Variants in SMARCC1 observed in about 807,000 individuals in gnomAD.
SMARCC1 encodes the protein SWI/SNF related BAF chromatin remodeling complex subunit C1.
A neutral mutation model predicts 147.4 loss-of-function variants in SMARCC1; 43 were observed. That is an observed-to-expected ratio of 0.29 (90% CI 0.23 to 0.38). The LOEUF (loss-of-function observed/expected upper bound fraction) is 0.38, where lower values mean the gene tolerates loss of function less well. SMARCC1 is among the 10% of genes least tolerant of loss of function. The probability of loss-of-function intolerance (pLI) is 1.00; values close to 1 mark genes in which losing one functional copy is unlikely to be tolerated. For synonymous variants in SMARCC1, 495 were observed against 484.4 expected, an observed-to-expected ratio of 1.02 and a Z score of -0.29; for missense variants, 1,119 against 1,381.1, an observed-to-expected ratio of 0.81 and a Z score of 3.01.
intron 18 of SMARCC1, among the ~76,000 whole-genome samples, chr3:47,673,404 G>GC (rs1182877731): frequency 2.3e-5 from 3 of 132,212 alleles, no homozygotes; most frequent in Non-Finnish European, 3.4e-5. Context: ...AAGGGTGGGG[G>GC]GGGGGCAGGC....
chr3:47,762,490 T>C (rs2034784575), intron 2 of SMARCC1, among the ~76,000 whole-genome samples: 1 of 152,198 alleles, frequency 6.6e-6, no homozygotes, highest in Admixed American at 6.6e-5. Context: ...CTGTGACTCA[T>C]CTAAAACATC....
At chr3:47,749,469 T>G (rs912433436) in intron 2 of SMARCC1, among the ~76,000 whole-genome samples, 6 of 151,696 alleles carry the variant, frequency 4.0e-5, no homozygotes, top group African/African-American at 1.5e-4. Context: ...AAGACCATCC[T>G]GGGCAACATA....
intron 26 of SMARCC1, among the ~76,000 whole-genome samples, chr3:47,591,229 T>TA (rs2032176550): frequency 6.6e-6 from 1 of 152,204 alleles, no homozygotes; most frequent in Non-Finnish European, 1.5e-5. Context: ...AGGAAGTCAG[T>TA]AAGTAAAAGT....
At chr3:47,728,808 G>A (rs1232970402) in intron 6 of SMARCC1, among the ~76,000 whole-genome samples, 1 of 152,150 alleles carries the variant, frequency 6.6e-6, no homozygotes, top group African/African-American at 2.4e-5. Flanking sequence ...CTACTCAGGA[G>A]GCTGAGTCAG....
chr3:47,683,592 C>A (rs1211074881), intron 14 of SMARCC1, among the ~76,000 whole-genome samples: 1 of 152,202 alleles, frequency 6.6e-6, no homozygotes, highest in South Asian at 2.1e-4. Context: ...GTGGCTCACA[C>A]CTGTAATCCC....
At chr3:47,703,942 G>A (rs1300944371) in intron 10 of SMARCC1, among the ~76,000 whole-genome samples, 5 of 151,974 alleles carry the variant, frequency 3.3e-5, no homozygotes, top group Non-Finnish European at 5.9e-5. Flanking sequence ...GACTACAGGC[G>A]CCTGCCACCA....
chr3:47,690,103 C>T (rs2033773341), intron 12 of SMARCC1, among the ~76,000 whole-genome samples: 1 of 152,040 alleles, frequency 6.6e-6, no homozygotes, highest in South Asian at 2.1e-4. Context: ...CATCTACAGT[C>T]CCAGATACTC....
At position 47,749,670 on chromosome 3, in the gene SMARCC1, A is replaced by AACACACAC. The variant is rs1328820771; in HGVS notation, c.316-3685_316-3678dup. ...TGACAAAGTGAGACCCTCTAAATTA[A>AACACACAC]ACACACACACACACACACACAAAGT... On this transcript the variant is annotated intron_variant, in intron 2 of 27. Coordinates refer to ENST00000254480, the MANE Select transcript of SMARCC1 (RefSeq NM_003074.4). Among the ~76,000 whole-genome samples, 21 of 92,494 alleles carry AACACACAC rather than the reference A, an allele frequency of 2.3e-4. No individual in the cohort carries two copies. The South Asian group carries it at 3.1e-3, about 14-fold the overall frequency. 60.7% of individuals were successfully genotyped at this position (92,494 alleles called of 152,430 possible).
At chr3:47,610,398 A>T in intron 25 of SMARCC1, 71 bp from the exon 26 acceptor site, 1 of 1,526,612 alleles carries the variant, frequency 6.6e-7, no homozygotes, top group South Asian at 1.1e-5. Context: ...ACAAAGGACA[A>T]CTACATAATG....
chr3:47,729,230 T>C (rs1208516547), intron 5 of SMARCC1, 136 bp from the exon 6 acceptor site: 1 of 600,428 alleles, frequency 1.7e-6, no homozygotes, highest in Non-Finnish European at 2.8e-6. Flanking sequence ...CTTGCTTCTT[T>C]TTAGTCAAAT....
rs545668409 is a variant in SMARCC1 at position 47,781,161 on chromosome 3, C to T, written c.195+442G>A. Among the ~76,000 whole-genome samples, 4 of 152,334 alleles carry T rather than the reference C, an allele frequency of 2.6e-5. No individual in the cohort carries two copies. The South Asian group carries it at 8.3e-4, about 32-fold the overall frequency. On this transcript the variant is annotated intron_variant, in intron 1 of 27. Coordinates refer to ENST00000254480, the MANE Select transcript of SMARCC1 (RefSeq NM_003074.4). ...ATTGCCTGTTATTAATTAACGAATA[C>T]AATCATCCCAGTCGTTTAGCAATTC...
chr3:47,610,457 G>A, intron 25 of SMARCC1, 130 bp from the exon 26 acceptor site: 1 of 899,516 alleles, frequency 1.1e-6, no homozygotes, highest in Non-Finnish European at 1.8e-6. Flanking sequence ...CTCACTTCCT[G>A]CACCTTCTAC....
At position 47,661,325 on chromosome 3, in the gene SMARCC1, T is replaced by A; in HGVS notation, c.2289A>T (p.Ala763=). The change falls in exon 21 of 28, where the codon GCA becomes GCT. Residue 763 remains alanine (A), a synonymous_variant. Coordinates refer to ENST00000254480, the MANE Select transcript of SMARCC1 (RefSeq NM_003074.4). ...PTYGLESSCI[A]GTGPDEPEKL... ...TCTCTGGCTCATCGGGCCCTGTGCC[T>A]GCAATGCAGCTGCTCTCCAGACCGT... is the stretch of plus-strand genomic sequence containing the variant. 6.2e-7 allele frequency: 1 copy of A among 1,613,412 alleles called. No homozygotes were observed. Among genetic ancestry groups the A allele is most frequent in the Non-Finnish European group, 8.5e-7 (1 of 1,179,816 alleles).
chr3:47,757,640 C>T (rs1339421347), intron 2 of SMARCC1, among the ~76,000 whole-genome samples: 3 of 151,724 alleles, frequency 2.0e-5, no homozygotes, highest in Admixed American at 6.6e-5. Flanking sequence ...AAAACTTAGC[C>T]GGGCATGGCA....
At chr3:47,720,938 T>G (rs1470738973) in intron 6 of SMARCC1, among the ~76,000 whole-genome samples, 2 of 152,198 alleles carry the variant, frequency 1.3e-5, no homozygotes, top group African/African-American at 4.8e-5. Context: ...TCTTTCTGAC[T>G]TTCCAAACTG....
chr3:47,771,547 G>A (rs1487415161), intron 2 of SMARCC1, among the ~76,000 whole-genome samples: 8 of 151,330 alleles, frequency 5.3e-5, no homozygotes, highest in Admixed American at 4.6e-4. Context: ...CAAGACCAGC[G>A]GGGCCAACAC....
At chr3:47,678,365 T>A (rs775937671) in intron 15 of SMARCC1, 54 bp from the exon 16 acceptor site, 45 of 806,208 alleles carry the variant, frequency 5.6e-5, no homozygotes, top group Non-Finnish European at 8.6e-5. Context: ...TCAGAAACAA[T>A]GTTACTTAGA....
intron 10 of SMARCC1, among the ~76,000 whole-genome samples, chr3:47,705,323 CA>C (rs754344034): frequency 0.022 from 2,295 of 103,546 alleles, 48 homozygotes; most frequent in African/African-American, 0.062. Context: ...GACTCCGTCT[CA>C]AAAAAAAAAA....
At chr3:47,622,073 AAC>A (rs760281771) in intron 25 of SMARCC1, 132 bp downstream of exon 25, 68 of 794,500 alleles carry the variant, frequency 8.6e-5, no homozygotes, top group Non-Finnish European at 1.1e-4. Flanking sequence ...GGGCAAATCA[AAC>A]ACAGAAAAAA....
Sources: gnomAD v4.1 joint callset for allele counts (sites outside exome capture counted in the v4.1 genomes callset) on GRCh38, gnomAD v4.1.1 for gene constraint, MANE v1.5 for transcripts, NCBI Gene and HGNC (gene_info 2026-07-23, HGNC 2026-07-21) for gene names.